The following METTL15 variants were observed in gnomAD, a reference collection of about 807,000 sequenced individuals.
METTL15 encodes the protein 12S rRNA N(4)-cytidine methyltransferase METTL15.
METTL15 carries 34 observed loss-of-function variants against 38.3 expected under a neutral mutation model. The ratio of observed to expected loss-of-function variants is 0.89; its 90% confidence interval spans 0.68 to 1.18. The LOEUF (loss-of-function observed/expected upper bound fraction) is 1.18. Ranked by LOEUF, METTL15 falls within the 50% of genes most tolerant of loss-of-function variation. METTL15 has a pLI of 0.00. For synonymous variants in METTL15, 162 were observed against 170.9 expected (o/e 0.95, Z 0.41); for missense variants, 438 against 498.4 (o/e 0.88, Z 1.15).
In METTL15 at chr11:28,159,434, A is replaced by T. The variant is rs1367328295; in HGVS notation, c.270+45830A>T. ...AGACCCTTCATGAATGAAGGTTTGA[A>T]TCACTCCACCAGGAAAAAAAAAAAA... On this transcript the variant is annotated intron_variant, in intron 3 of 6. Transcript: ENST00000407364. Among the ~76,000 whole-genome samples, 3 of 151,552 alleles carry T rather than the reference A, an allele frequency of 2.0e-5. No homozygotes were observed. The East Asian group carries it at 5.8e-4, about 30-fold the overall frequency.
At chr11:28,115,591 A>G (rs967116885) in intron 3 of METTL15, among the ~76,000 whole-genome samples, 1 of 152,194 alleles carries the variant, frequency 6.6e-6, no homozygotes, top group East Asian at 1.9e-4. Flanking sequence ...TGTGTATTAT[A>G]TACTGTATTC....
intron 6 of METTL15, among the ~76,000 whole-genome samples, chr11:28,510,354 T>G (rs554156973): frequency 6.6e-5 from 10 of 152,338 alleles, no homozygotes; most frequent in African/African-American, 2.4e-4. Context: ...TTTCCTTTGA[T>G]GTAAAAGAGG....
intron 3 of METTL15, among the ~76,000 whole-genome samples, chr11:28,204,427 G>C (rs1852233134): frequency 1.5e-5 from 2 of 131,214 alleles, no homozygotes; most frequent in African/African-American, 5.6e-5. Flanking sequence ...CTCTGCACCT[G>C]AGTTTTCCTT....
intron 5 of METTL15, among the ~76,000 whole-genome samples, chr11:28,401,425 G>A (rs1850629521): frequency 6.6e-6 from 1 of 151,782 alleles, no homozygotes; most frequent in Non-Finnish European, 1.5e-5. Flanking sequence ...GAACTTTCTG[G>A]TCTTCTCTCA....
chr11:28,227,195 C>G (rs1008959254), intron 4 of METTL15, among the ~76,000 whole-genome samples: 1 of 151,846 alleles, frequency 6.6e-6, no homozygotes, highest in Non-Finnish European at 1.5e-5. Flanking sequence ...ATTATACCAA[C>G]TACTTTTCAG....
chr11:28,276,820 A>G (rs1292050911), intron 4 of METTL15, among the ~76,000 whole-genome samples: 3 of 152,180 alleles, frequency 2.0e-5, no homozygotes, highest in Non-Finnish European at 2.9e-5. Flanking sequence ...AGGAGAAAGT[A>G]TACCCTGTTC....
chr11:28,215,858 A>T (rs1189495977), intron 4 of METTL15, among the ~76,000 whole-genome samples: 2 of 152,098 alleles, frequency 1.3e-5, no homozygotes, highest in African/African-American at 4.8e-5. Flanking sequence ...ACATAGTGAG[A>T]CACCGTTTCT....
At chr11:28,328,119 T>C in intron 6 of METTL15, 1 of 1,611,800 alleles carries the variant, frequency 6.2e-7, no homozygotes, top group Non-Finnish European at 8.5e-7. Context: ...TATTTCCCAG[T>C]GGCCCAAACT....
At chr11:28,251,467 A>C (rs2133923180) in intron 4 of METTL15, among the ~76,000 whole-genome samples, 1 of 152,088 alleles carries the variant, frequency 6.6e-6, no homozygotes, top group South Asian at 2.1e-4. Flanking sequence ...CTAGGTCATC[A>C]ATTTTCTCAT....
intron 4 of METTL15, among the ~76,000 whole-genome samples, chr11:28,226,155 A>G (rs1186562764): frequency 2.0e-5 from 3 of 151,884 alleles, no homozygotes; most frequent in Non-Finnish European, 4.4e-5. Context: ...ACATCAAGCA[A>G]TAGGTTCCTT....
intron 6 of METTL15, among the ~76,000 whole-genome samples, chr11:28,314,688 G>T (rs1857419960): frequency 6.6e-6 from 1 of 152,140 alleles, no homozygotes; most frequent in African/African-American, 2.4e-5. Flanking sequence ...TAGGTAGTTG[G>T]TATGGTTTGG....
At chr11:28,467,174 T>C (rs982306177) in intron 6 of METTL15, among the ~76,000 whole-genome samples, 4 of 152,220 alleles carry the variant, frequency 2.6e-5, no homozygotes, top group African/African-American at 7.2e-5. Flanking sequence ...GAAATGTGAC[T>C]GGACTCATAT....
Position 28,120,054 on chromosome 11 carries a change from C to T in METTL15, c.270+6450C>T, listed in dbSNP as rs979366575. ...GCAAGCTCTGCCTCTTGAGTTCACA[C>T]CATTCTCCTGCCTCAGCCTCCTGAG... On this transcript the variant is annotated intron_variant, in intron 3 of 6. Coordinates refer to ENST00000407364, the MANE Select transcript of METTL15 (RefSeq NM_001113528.2). Among the ~76,000 whole-genome samples the T allele has an allele frequency of 3.3e-5, 5 of 152,124 alleles. No individual in the cohort carries two copies. The East Asian group carries it at 9.7e-4, about 29-fold the overall frequency.
intron 3 of METTL15, among the ~76,000 whole-genome samples, chr11:28,165,474 C>T (rs1850626472): frequency 1.3e-5 from 2 of 151,936 alleles, no homozygotes; most frequent in African/African-American, 4.8e-5. Context: ...TATATGTTTT[C>T]TTTTGAGAAA....
At chr11:28,264,917 A>G (rs565021653) in intron 4 of METTL15, among the ~76,000 whole-genome samples, 2 of 152,268 alleles carry the variant, frequency 1.3e-5, no homozygotes, top group South Asian at 4.1e-4. Context: ...CATAAGTGAT[A>G]TGTATGGGAG....
intron 6 of METTL15, among the ~76,000 whole-genome samples, chr11:28,319,491 A>G (rs1277734911): frequency 6.6e-6 from 1 of 151,828 alleles, no homozygotes; most frequent in Non-Finnish European, 1.5e-5. Flanking sequence ...ACTGATCTAG[A>G]CTTCCTAGAA....
At chr11:28,258,437 C>G (rs1213255232) in intron 4 of METTL15, among the ~76,000 whole-genome samples, 2 of 152,066 alleles carry the variant, frequency 1.3e-5, no homozygotes, top group Non-Finnish European at 2.9e-5. Flanking sequence ...GGTAGCAAAG[C>G]CACCCAGGCT....
chr11:28,521,601 TCTC>T (rs1295329427), intron 6 of METTL15, among the ~76,000 whole-genome samples: 1 of 152,160 alleles, frequency 6.6e-6, no homozygotes, highest in Non-Finnish European at 1.5e-5. Context: ...TTTCTATTTT[TCTC>T]CTCCCTGCTG....
intron 4 of METTL15, among the ~76,000 whole-genome samples, chr11:28,243,037 A>G (rs890782028): frequency 6.6e-6 from 1 of 151,900 alleles, no homozygotes; most frequent in South Asian, 2.1e-4. Context: ...ATAATGAGAG[A>G]CCTTATTGAG....
Sources: allele counts gnomAD v4.1 joint callset (sites outside exome capture counted in the v4.1 genomes callset), GRCh38; gene constraint gnomAD v4.1.1; transcripts MANE v1.5; gene names NCBI Gene and HGNC (gene_info 2026-07-23, HGNC 2026-07-21).